Variants in PRTG observed in about 807,000 individuals in gnomAD.
PRTG encodes the protein immunoglobulin superfamily, DCC subclass, member 5.
A neutral mutation model predicts 122.5 loss-of-function variants in PRTG; 67 were observed. The observed-to-expected ratio is 0.55, with a 90% confidence interval of 0.45 to 0.67. PRTG has a LOEUF of 0.67. Ranked by LOEUF, PRTG falls within the 30% of genes least tolerant of loss-of-function variation. PRTG has a pLI of 0.00. For synonymous variants in PRTG, 554 were observed against 501.1 expected, an observed-to-expected ratio of 1.11 and a Z score of -1.41; for missense variants, 1,435 against 1,415.4, an observed-to-expected ratio of 1.01 and a Z score of -0.22.
intron 13 of PRTG, among the ~76,000 whole-genome samples, chr15:55,639,042 G>A (rs1446703482): frequency 1.3e-5 from 2 of 152,070 alleles, no homozygotes; most frequent in Non-Finnish European, 2.9e-5. Flanking sequence ...TGGGATCATA[G>A]CTCACTGCAG....
In PRTG at chr15:55,656,321, G is replaced by A. The variant is rs140263228; in HGVS notation, c.2042-15113C>T. On this transcript the variant is annotated intron_variant, in intron 11 of 19. Coordinates refer to ENST00000389286, the MANE Select transcript of PRTG (RefSeq NM_173814.6). ...TGTTTTGTGGAATGTCTCACAATCC[G>A]GACTTATCTGATGGTTTCATTATTA... is the stretch of plus-strand genomic sequence containing the variant. The A allele has an allele frequency of 2.1e-3, 948 of 454,612 alleles. 5 individuals carry two copies. The highest frequency in any genetic ancestry group is 0.017 in the African/African-American group (849 of 50,038). The allele number at this position is 454,612 out of a possible 1,614,324, so 28.2% of individuals were successfully genotyped here. A position where few individuals can be genotyped will look rare whatever the true frequency, so the allele number is the denominator to read the frequency against.
chr15:55,660,319 T>C (rs2059403229), intron 11 of PRTG, among the ~76,000 whole-genome samples: 1 of 152,156 alleles, frequency 6.6e-6, no homozygotes, highest in African/African-American at 2.4e-5. Context: ...GTTTTTTTTC[T>C]GTCCACCCTG....
At chr15:55,622,612 C>T (rs968207480) in intron 18 of PRTG, among the ~76,000 whole-genome samples, 3 of 151,496 alleles carry the variant, frequency 2.0e-5, no homozygotes, top group African/African-American at 2.4e-5. Context: ...AGGATGGTCT[C>T]GATCTCCTGA....
chr15:55,697,999 T>C (rs187079706), intron 2 of PRTG, among the ~76,000 whole-genome samples: 1 of 152,290 alleles, frequency 6.6e-6, no homozygotes, highest in East Asian at 1.9e-4. Flanking sequence ...TCTCTCCCTA[T>C]TCACCTAGCT....
chr15:55,644,466 CCTT>C (rs2059309541), intron 11 of PRTG, among the ~76,000 whole-genome samples: 1 of 152,086 alleles, frequency 6.6e-6, no homozygotes, highest in African/African-American at 2.4e-5. Context: ...TCAAGTTTTC[CCTT>C]CTTCCTTTTT....
intron 11 of PRTG, among the ~76,000 whole-genome samples, chr15:55,663,424 AG>A (rs1465804477): frequency 2.0e-5 from 3 of 152,234 alleles, no homozygotes; most frequent in African/African-American, 7.2e-5. Flanking sequence ...CACCACAACC[AG>A]AAAAAGAACA....
intron 2 of PRTG, among the ~76,000 whole-genome samples, chr15:55,738,002 C>CTCTCTCTA (rs1248440584): frequency 6.2e-4 from 60 of 96,656 alleles, no homozygotes; most frequent in East Asian, 4.2e-3. Context: ...CTCTCTCTCT[C>CTCTCTCTA]TATATATATA....
chr15:55,625,378 G>A lies in PRTG; in HGVS notation c.2928-871C>T, dbSNP rs377448050. Among the ~76,000 whole-genome samples the A allele has an allele frequency of 1.2e-4, 18 of 152,148 alleles. 1 individual carries two copies. In the South Asian group the frequency reaches 3.7e-3, roughly 32 times the overall value. On this transcript the variant is annotated intron_variant, in intron 17 of 19. Coordinates refer to ENST00000389286, the MANE Select transcript of PRTG (RefSeq NM_173814.6). The stretch of plus-strand genomic sequence containing the variant: ...GTTCTCAGCGACTCAGGCATTTCAG[G>A]CACTGTTACTGAAACAGAAAATATT...
intron 15 of PRTG, among the ~76,000 whole-genome samples, chr15:55,631,675 A>C (rs2059228314): frequency 6.6e-6 from 1 of 152,200 alleles, no homozygotes; most frequent in African/African-American, 2.4e-5. Context: ...TCTTACAAGC[A>C]AGACAGTATA....
chr15:55,716,821 T>C (rs77590547), intron 2 of PRTG, among the ~76,000 whole-genome samples: 719 of 152,272 alleles, frequency 4.7e-3, no homozygotes, highest in African/African-American at 0.016. Context: ...AACAAAACTA[T>C]GTATCACACA....
rs754288647 is a variant in PRTG at position 55,639,658 on chromosome 15, C to T, written c.2308G>A (p.Val770Ile). ...GCTACATACGTTTGAAGGTACAGAA[C>T]CAAAGAAGCATTCTGCAGGCCAACA... ...NPVGLQNASL[V>I]LYLQTSETHM... is the part of the protein sequence containing the mutation. Residue 770 changes from valine (V) to isoleucine (I), a missense_variant, in exon 13 of 20, where the codon GTT (valine) becomes ATT (isoleucine). Transcript: ENST00000389286. The T allele has an allele frequency of 6.2e-7, 1 of 1,613,886 alleles. No individual in the cohort carries two copies. The highest frequency in any genetic ancestry group is 2.2e-5 in the East Asian group (1 of 44,872).
chr15:55,641,704 T>C (rs1213359259), intron 11 of PRTG, among the ~76,000 whole-genome samples: 3 of 152,238 alleles, frequency 2.0e-5, no homozygotes, highest in African/African-American at 4.8e-5. Context: ...AAAACTTATA[T>C]AACCATGTTT....
chr15:55,641,224 T>C lies in PRTG; in HGVS notation c.2042-16A>G, dbSNP rs763617294. Reference sequence around the variant, plus strand: ...CTTCTGGGGTCTATAAAGAAACCAATAGGAAATAATTAGGACCAGGTCTCT... The same window carrying C: ...CTTCTGGGGTCTATAAAGAAACCAACAGGAAATAATTAGGACCAGGTCTCT... On this transcript the variant is annotated splice_polypyrimidine_tract_variant and intron_variant, in intron 11 of 19. Coordinates refer to ENST00000389286, the MANE Select transcript of PRTG (RefSeq NM_173814.6). 6 of 1,557,684 alleles carry C rather than the reference T, an allele frequency of 3.9e-6. No individual in the cohort carries two copies. Among genetic ancestry groups the C allele is most frequent in the Admixed American group, 1.7e-5 (1 of 59,854 alleles).
chr15:55,622,344 A>C lies in PRTG; in HGVS notation c.3094-1577T>G, dbSNP rs548460781. Among the ~76,000 whole-genome samples, 324 of 148,856 alleles carry C rather than the reference A, an allele frequency of 2.2e-3. 2 individuals carry two copies. Among genetic ancestry groups the C allele is most frequent in the African/African-American group, 7.9e-3 (317 of 40,318 alleles). ...GCAACTCTCCTGCCTCAGCCTCCCG[A>C]GTAGCTGGGATTACAGGCATGCATC... On this transcript the variant is annotated intron_variant, in intron 18 of 19. Transcript: ENST00000389286.
intron 11 of PRTG, among the ~76,000 whole-genome samples, chr15:55,668,308 A>G (rs554202907): frequency 9.2e-5 from 14 of 152,312 alleles, no homozygotes; most frequent in African/African-American, 3.4e-4. Context: ...CATCCTTTCA[A>G]ATAAAGACTT....
intron 11 of PRTG, among the ~76,000 whole-genome samples, chr15:55,663,539 CTTT>C (rs574872335): frequency 1.4e-5 from 2 of 142,888 alleles, no homozygotes; most frequent in Non-Finnish European, 1.5e-5. Flanking sequence ...CTTTTCTTTT[CTTT>C]TTTTTTTTTT....
At chr15:55,662,142 T>C (rs1429516628) in intron 11 of PRTG, among the ~76,000 whole-genome samples, 1 of 152,240 alleles carries the variant, frequency 6.6e-6, no homozygotes, top group Non-Finnish European at 1.5e-5. Context: ...TTAAGAAGTA[T>C]AGGCATATAT....
intron 2 of PRTG, among the ~76,000 whole-genome samples, chr15:55,695,558 C>A (rs995008972): frequency 5.3e-5 from 8 of 152,202 alleles, no homozygotes; most frequent in African/African-American, 1.9e-4. Flanking sequence ...CTGCCACACC[C>A]CCTCCTTGGG....
intron 11 of PRTG, among the ~76,000 whole-genome samples, chr15:55,665,507 G>T (rs201847421): frequency 0.018 from 2,234 of 120,886 alleles, 46 homozygotes; most frequent in African/African-American, 0.067. Context: ...GGTTTTTTTT[G>T]TTTTTTTTTT....
Sources: gnomAD v4.1 joint callset for allele counts (sites outside exome capture counted in the v4.1 genomes callset) on GRCh38, gnomAD v4.1.1 for gene constraint, MANE v1.5 for transcripts, NCBI Gene and HGNC (gene_info 2026-07-23, HGNC 2026-07-21) for gene names.